TNRC6C: variants seen among roughly 807,000 people sequenced by gnomAD.
TNRC6C encodes trinucleotide repeat containing adaptor 6C, also known as trinucleotide repeat-containing gene 6C protein.
A neutral mutation model predicts 153.7 loss-of-function variants in TNRC6C; 20 were observed. The ratio of observed to expected loss-of-function variants is 0.13; its 90% CI spans 0.09 to 0.19. The LOEUF (loss-of-function observed/expected upper bound fraction) is 0.19, where lower values mean the gene tolerates loss of function less well. Ranked by LOEUF, TNRC6C falls within the 10% of genes least tolerant of loss-of-function variation. The pLI is 1.00. For missense variants in TNRC6C, 1,987 were observed against 2,172.0 expected (o/e 0.91, Z 1.69); for synonymous variants, 811 against 841.4 (o/e 0.96, Z 0.63).
At chr17:78,094,101 T>A (rs544444182) in intron 16 of TNRC6C, among the ~76,000 whole-genome samples, 9 of 152,004 alleles carry the variant, frequency 5.9e-5, no homozygotes, top group Non-Finnish European at 8.8e-5. Context: ...TGCCTCAGCC[T>A]CCCAAGTAGC....
At chr17:78,077,127 T>A in intron 8 of TNRC6C, 58 bp from the exon 11 acceptor site, 1 of 1,537,306 alleles carries the variant, frequency 6.5e-7, no homozygotes, top group Non-Finnish European at 8.8e-7. Flanking sequence ...GGAAACTGTT[T>A]GGTGCTTTGT....
exon 20 of TNRC6C, chr17:78,106,607 C>T (rs933484506): frequency 2.0e-5 from 3 of 149,936 alleles, no homozygotes; most frequent in African/African-American, 7.4e-5. Context: ...AATACCTAAT[C>T]TCTAATGTGT....
At chr17:78,016,391 C>T (rs941555852) in intron 1 of TNRC6C, among the ~76,000 whole-genome samples, 1 of 152,248 alleles carries the variant, frequency 6.6e-6, no homozygotes, top group Non-Finnish European at 1.5e-5. Flanking sequence ...TCTCCTTGCA[C>T]GGAGGCTGCA....
upstream of TNRC6C, among the ~76,000 whole-genome samples, chr17:77,958,381 G>A (rs1220577651): frequency 1.3e-5 from 2 of 152,132 alleles, no homozygotes; most frequent in South Asian, 4.1e-4. Flanking sequence ...TCCCAGGACT[G>A]GCGCGCGTCC....
intron 1 of TNRC6C, among the ~76,000 whole-genome samples, chr17:77,992,812 T>C (rs2071272134): frequency 6.6e-6 from 1 of 152,202 alleles, no homozygotes; most frequent in African/African-American, 2.4e-5. Context: ...TGGGTGTTCT[T>C]ATGGTTCATG....
At chr17:78,026,924 G>T (rs2071952360) in intron 1 of TNRC6C, among the ~76,000 whole-genome samples, 1 of 152,120 alleles carries the variant, frequency 6.6e-6, no homozygotes, top group African/African-American at 2.4e-5. Flanking sequence ...AAATGACAAG[G>T]TTTGGTGATT....
At chr17:78,093,855 G>A in intron 16 of TNRC6C, 92 bp downstream of exon 18, 1 of 1,531,256 alleles carries the variant, frequency 6.5e-7, no homozygotes, top group Non-Finnish European at 8.8e-7. Flanking sequence ...GTGAGGCAGG[G>A]ATGATACAAG....
intron 1 of TNRC6C, among the ~76,000 whole-genome samples, chr17:77,977,891 CTTTT>C (rs528315933): frequency 1.2e-4 from 14 of 114,142 alleles, no homozygotes; most frequent in East Asian, 4.9e-4. Flanking sequence ...TTTAAAACCT[CTTTT>C]TTTTTTTTTT....
Position 78,104,645 on chromosome 17 carries a change from C to T in TNRC6C, c.4873C>T (p.Leu1625=). The T allele has an allele frequency of 1.3e-6, 2 of 1,546,750 alleles. No homozygotes were observed. The highest frequency in any genetic ancestry group is 1.2e-5 in the South Asian group (1 of 84,030). Reference sequence around the variant, plus strand: ...CAGCGCAGCGGGCAGCTCCCATGGCCTGGTACGCAGCGACGCTGGCCACTG... The same window carrying T: ...CAGCGCAGCGGGCAGCTCCCATGGCTTGGTACGCAGCGACGCTGGCCACTG... Residue 1625 remains leucine, a synonymous_variant, in exon 20 of 20, where the codon CTG becomes TTG. Coordinates refer to ENST00000301624, the Ensembl canonical transcript of TNRC6C. This position sits in a 1 kb window ranked among gnomAD's most constrained non-coding sequence, Gnocchi z 6.2.
intron 17 of TNRC6C, among the ~76,000 whole-genome samples, chr17:78,102,050 T>A (rs1183984890): frequency 6.6e-6 from 1 of 152,216 alleles, no homozygotes; most frequent in Non-Finnish European, 1.5e-5. Flanking sequence ...AAAGTAATGG[T>A]TTCTGCCTTT....
chr17:78,054,392 C>T (rs2072603061), intron 3 of TNRC6C, among the ~76,000 whole-genome samples: 1 of 151,922 alleles, frequency 6.6e-6, no homozygotes, highest in Admixed American at 6.5e-5. Flanking sequence ...CTGGAGACTA[C>T]TGCAGAGTAC....
chr17:78,108,499 C>T (rs538176680), exon 20 of TNRC6C: 1 of 154,762 alleles, frequency 6.5e-6, no homozygotes, highest in Non-Finnish European at 1.5e-5. Context: ...AAACTGTACC[C>T]GTGCCTGTGC....
At chr17:78,062,722 G>T (rs903438823) in intron 3 of TNRC6C, among the ~76,000 whole-genome samples, 2 of 152,140 alleles carry the variant, frequency 1.3e-5, no homozygotes, top group Non-Finnish European at 2.9e-5. Flanking sequence ...TGAAGGGCGT[G>T]GGGAAATCCT....
chr17:77,985,235 T>A (rs1210040364), intron 1 of TNRC6C, among the ~76,000 whole-genome samples: 1 of 152,144 alleles, frequency 6.6e-6, no homozygotes, highest in Non-Finnish European at 1.5e-5. Flanking sequence ...TTGCTAGCTG[T>A]CAGAGGAGGA....
Position 77,982,784 on chromosome 17 carries a change from T to C in TNRC6C, c.-37-21386T>C, listed in dbSNP as rs922547174. Among the ~76,000 whole-genome samples the C allele has an allele frequency of 2.0e-5, 3 of 152,266 alleles. 1 individual carries two copies. The highest frequency in any genetic ancestry group is 2.0e-4 in the Admixed American group (3 of 15,302). Reference sequence around the variant, plus strand: ...AGGCAGAGGTTGCAGTGAGCCGAGATTGTGCCACTGCACTCCAGCCTGGGT... The same window carrying C: ...AGGCAGAGGTTGCAGTGAGCCGAGACTGTGCCACTGCACTCCAGCCTGGGT... On this transcript the variant is annotated intron_variant, in intron 1 of 22. Transcript: ENST00000636222.
chr17:78,076,222 A>G (rs1436096832), intron 8 of TNRC6C, among the ~76,000 whole-genome samples: 1 of 138,684 alleles, frequency 7.2e-6, no homozygotes, highest in Non-Finnish European at 1.5e-5. Flanking sequence ...TCTCAAAAAA[A>G]AAAAGAAAAA....
intron 2 of TNRC6C, among the ~76,000 whole-genome samples, chr17:78,043,116 G>A (rs1227998028): frequency 6.6e-6 from 1 of 152,138 alleles, no homozygotes; most frequent in Non-Finnish European, 1.5e-5. Flanking sequence ...AGGAACAAGA[G>A]AGCAGCTGAA....
At chr17:78,084,788 C>G (rs2073249708) in intron 11 of TNRC6C, among the ~76,000 whole-genome samples, 1 of 151,966 alleles carries the variant, frequency 6.6e-6, no homozygotes, top group African/African-American at 2.4e-5. Flanking sequence ...GCCACCACGC[C>G]CAGCTAATTT....
intron 2 of TNRC6C, among the ~76,000 whole-genome samples, chr17:78,035,926 A>G (rs1440504835): frequency 6.6e-6 from 1 of 152,146 alleles, no homozygotes; most frequent in Admixed American, 6.6e-5. Flanking sequence ...TTGTACTTTA[A>G]TCTGTCACTT....
Sources: gnomAD v4.1 joint callset for allele counts (sites outside exome capture counted in the v4.1 genomes callset) on GRCh38, gnomAD v4.1.1 for gene constraint, Gnocchi (gnomAD v3.1) non-coding constraint, MANE v1.5 for transcripts, NCBI Gene and HGNC (gene_info 2026-07-23, HGNC 2026-07-21) for gene names.